Variants in PIAS2 observed in about 807,000 individuals in gnomAD.
PIAS2 encodes protein inhibitor of activated STAT 2, also known as E3 SUMO-protein ligase PIAS2.
Under a neutral mutation model 69.7 loss-of-function variants are expected in PIAS2, and 19 were observed. The ratio of observed to expected loss-of-function variants is 0.27; its 90% CI spans 0.19 to 0.40. The LOEUF (loss-of-function observed/expected upper bound fraction) is 0.40. Ranked by LOEUF, PIAS2 falls within the 10% of genes least tolerant of loss-of-function variation. The pLI, the probability that PIAS2 is intolerant of heterozygous loss-of-function variation, is 1.00. For missense variants in PIAS2, 624 were observed against 757.0 expected (o/e 0.82, Z 2.06); for synonymous variants, 261 against 263.2 (o/e 0.99, Z 0.08).
At chr18:46,877,413 C>T (rs1466204275) in intron 2 of PIAS2, among the ~76,000 whole-genome samples, 1 of 152,194 alleles carries the variant, frequency 6.6e-6, no homozygotes, top group Admixed American at 6.5e-5. Context: ...TAAACAACTT[C>T]TCCTGCGAGT....
At chr18:46,917,563 C>G, upstream of PIAS2, 2 of 1,101,894 alleles carry the variant, frequency 1.8e-6, no homozygotes, top group Non-Finnish European at 2.2e-6. Context: ...TAGCGGTGCC[C>G]CCTGCCCACC....
At chr18:46,917,726 G>C (rs951972009), upstream of PIAS2, 1 of 250,324 alleles carries the variant, frequency 4.0e-6, no homozygotes, top group African/African-American at 2.3e-5. Context: ...CCTAGAGCTG[G>C]GTCGCAACTG....
intron 3 of PIAS2, among the ~76,000 whole-genome samples, chr18:46,856,091 C>T (rs749517525): frequency 1.4e-5 from 2 of 146,404 alleles, no homozygotes; most frequent in Admixed American, 7.0e-5. Context: ...CTGCAAGCTC[C>T]GCCTCCCGGG....
intron 6 of PIAS2, chr18:46,845,087 G>C: frequency 3.9e-6 from 1 of 255,538 alleles, no homozygotes; most frequent in Non-Finnish European, 7.4e-6. Flanking sequence ...GGGAATATAG[G>C]TTAGATCAAT....
chr18:46,842,545 A>G (rs970312296), intron 8 of PIAS2, among the ~76,000 whole-genome samples: 1 of 152,236 alleles, frequency 6.6e-6, no homozygotes, highest in Admixed American at 6.5e-5. Context: ...AGAGCTGGCA[A>G]TTAATGTTTG....
intron 5 of PIAS2, among the ~76,000 whole-genome samples, chr18:46,852,117 A>G (rs1568517290): frequency 6.6e-6 from 1 of 152,250 alleles, no homozygotes; most frequent in African/African-American, 2.4e-5. Flanking sequence ...CTGAGGCTGC[A>G]GCATACTCAC....
chr18:46,886,121 C>A (rs60855484), intron 2 of PIAS2, among the ~76,000 whole-genome samples: 2 of 152,166 alleles, frequency 1.3e-5, no homozygotes, highest in Non-Finnish European at 2.9e-5. Context: ...TAGTCCCCCC[C>A]AGTCTTCTGT....
In PIAS2 at chr18:46,851,974, C is replaced by T. The variant is rs141260986; in HGVS notation, c.726+3371G>A. Among the ~76,000 whole-genome samples the T allele has an allele frequency of 4.2e-3, 642 of 152,260 alleles. 4 individuals carry two copies. The highest frequency in any genetic ancestry group is 0.015 in the African/African-American group (618 of 41,548). ...TTCATGGTTCAATACACCAGGATCA[C>T]GGGCAAGGACCACCTATCAAATTTC... On this transcript the variant is annotated intron_variant, in intron 5 of 13. Transcript: ENST00000585916.
At position 46,824,936 on chromosome 18, in the gene PIAS2, A is replaced by C. The variant is rs550010242; in HGVS notation, c.1508+3023T>G. On this transcript the variant is annotated intron_variant, in intron 11 of 13. Coordinates refer to ENST00000585916, the MANE Select transcript of PIAS2 (RefSeq NM_004671.5). ...GATCGCTTCAACCCAGGAGGTCAAG[A>C]CTGCAGTGAGCCGCGATCACACCAC... 2.6e-5 allele frequency among the ~76,000 whole-genome samples: 4 copies of C among 151,380 alleles called. No homozygotes were observed. In the South Asian group the frequency reaches 8.3e-4, roughly 32 times the overall value.
chr18:46,898,053 C>T (rs773534959), intron 1 of PIAS2, among the ~76,000 whole-genome samples: 5 of 151,876 alleles, frequency 3.3e-5, no homozygotes, highest in Admixed American at 6.6e-5. Flanking sequence ...CAGAGTCTCC[C>T]TGTGTTGTCC....
chr18:46,885,054 G>C (rs886479104), intron 2 of PIAS2, among the ~76,000 whole-genome samples: 1 of 152,168 alleles, frequency 6.6e-6, no homozygotes, highest in African/African-American at 2.4e-5. Flanking sequence ...TTTGTTAACA[G>C]TAGAACCTTA....
intron 8 of PIAS2, among the ~76,000 whole-genome samples, chr18:46,838,163 T>C (rs914151226): frequency 5.3e-5 from 8 of 152,222 alleles, no homozygotes; most frequent in Admixed American, 1.3e-4. Context: ...CACCTGGTAA[T>C]GTGGTAATTT....
rs116522644 is a variant in PIAS2 at position 46,914,192 on chromosome 18, T to C, written c.24+3130A>G. ...AAAGCTTCTAATATATAACACATTA[T>C]TGTAACCATCTTTGAGCACACAGGC... On this transcript the variant is annotated intron_variant, in intron 1 of 13. Coordinates refer to ENST00000585916, the MANE Select transcript of PIAS2 (RefSeq NM_004671.5). Among the ~76,000 whole-genome samples, 591 of 152,350 alleles carry C rather than the reference T, an allele frequency of 3.9e-3. 2 individuals carry two copies. The highest frequency in any genetic ancestry group is 0.013 in the African/African-American group (560 of 41,584).
intron 5 of PIAS2, among the ~76,000 whole-genome samples, chr18:46,851,719 T>C (rs1242396240): frequency 2.6e-5 from 4 of 152,256 alleles, no homozygotes; most frequent in Non-Finnish European, 5.9e-5. Flanking sequence ...CATCACTATT[T>C]GATCCTTAAC....
At chr18:46,878,186 C>T (rs996515986) in intron 2 of PIAS2, among the ~76,000 whole-genome samples, 2 of 152,202 alleles carry the variant, frequency 1.3e-5, no homozygotes, top group Admixed American at 6.6e-5. Flanking sequence ...AGTCTCTCTA[C>T]ACCTCATTTC....
chr18:46,889,252 A>G (rs1017165871), intron 2 of PIAS2, among the ~76,000 whole-genome samples: 3 of 152,368 alleles, frequency 2.0e-5, no homozygotes, highest in South Asian at 2.1e-4. Context: ...TCATGAAAAA[A>G]TGTTAAGTTG....
chr18:46,893,478 T>C (rs1205929349), intron 1 of PIAS2: 1 of 983,520 alleles, frequency 1.0e-6, no homozygotes, highest in Non-Finnish European at 1.2e-6. Flanking sequence ...ATATCTCATA[T>C]TTCCAGTGAT....
At chr18:46,841,339 G>C (rs908799353) in intron 8 of PIAS2, among the ~76,000 whole-genome samples, 2 of 152,062 alleles carry the variant, frequency 1.3e-5, no homozygotes, top group East Asian at 1.9e-4. Flanking sequence ...ATTTTCTCTT[G>C]TTTTTGCCAA....
At chr18:46,891,136 A>G in intron 1 of PIAS2, 82 bp from the exon 2 acceptor site, 1 of 1,020,436 alleles carries the variant, frequency 9.8e-7, no homozygotes. Flanking sequence ...GTAAAATGTG[A>G]TTTTTCCAGC....
Sources: allele counts gnomAD v4.1 joint callset (sites outside exome capture counted in the v4.1 genomes callset), GRCh38; gene constraint gnomAD v4.1.1; transcripts MANE v1.5; gene names NCBI Gene and HGNC (gene_info 2026-07-23, HGNC 2026-07-21).